Variants in ESCO2 observed in about 807,000 individuals in gnomAD.
ESCO2 encodes the protein establishment of sister chromatid cohesion N-acetyltransferase 2, also known as N-acetyltransferase ESCO2.
A neutral mutation model predicts 61.7 loss-of-function variants in ESCO2; 51 were observed. The ratio of observed to expected loss-of-function variants is 0.83; its 90% CI spans 0.66 to 1.04. ESCO2 has a LOEUF of 1.04. Ranked by LOEUF, ESCO2 falls within the 50% of genes least tolerant of loss-of-function variation. The pLI is 0.00. For synonymous variants in ESCO2, 230 were observed against 238.2 expected (o/e 0.97, Z 0.32); for missense variants, 692 against 686.2 (o/e 1.01, Z -0.09).
chr8:27,806,821 G>A (rs1030309199), downstream of ESCO2, among the ~76,000 whole-genome samples: 1 of 151,998 alleles, frequency 6.6e-6, no homozygotes, highest in African/African-American at 2.4e-5. Flanking sequence ...TTACCATGTT[G>A]GCCAGGCTGG....
chr8:27,775,606 C>T, intron 2 of ESCO2, 39 bp downstream of exon 2: 2 of 1,605,648 alleles, frequency 1.2e-6, no homozygotes, highest in Non-Finnish European at 1.7e-6. Context: ...TTAGAAAAAT[C>T]CACCTTCTTG....
downstream of ESCO2, chr8:27,810,346 A>C (rs761173443): frequency 3.5e-5 from 57 of 1,613,182 alleles, no homozygotes; most frequent in South Asian, 2.5e-4. Context: ...TGTGCAGCAG[A>C]AGGACGATCT....
intron 5 of ESCO2, among the ~76,000 whole-genome samples, chr8:27,787,344 T>G (rs981450187): frequency 2.2e-4 from 34 of 151,786 alleles, no homozygotes; most frequent in Non-Finnish European, 1.9e-4. Context: ...TTTTTTTCCT[T>G]AAGAATTTCA....
At chr8:27,811,111 T>C (rs1319086598), downstream of ESCO2, 6 of 1,613,786 alleles carry the variant, frequency 3.7e-6, no homozygotes, top group Non-Finnish European at 4.2e-6. Flanking sequence ...TCTGTGCCAA[T>C]GTAACAAGCC....
chr8:27,794,879 G>A (rs996150429), intron 9 of ESCO2, among the ~76,000 whole-genome samples: 1 of 152,172 alleles, frequency 6.6e-6, no homozygotes, highest in Non-Finnish European at 1.5e-5. Context: ...TCAGACACCA[G>A]TTGACTCTAA....
downstream of ESCO2, among the ~76,000 whole-genome samples, chr8:27,816,923 CATTGTTGCAT>C (rs1234074268): frequency 6.6e-6 from 1 of 152,050 alleles, no homozygotes; most frequent in East Asian, 1.9e-4. Flanking sequence ...CATTCTCACA[CATTGTTGCAT>C]AGTCTGTTCT....
At chr8:27,811,065 C>T (rs772975178), downstream of ESCO2, 1 of 1,612,836 alleles carries the variant, frequency 6.2e-7, no homozygotes, top group Non-Finnish European at 8.5e-7. Flanking sequence ...AGTAATAACA[C>T]CATTCTCCTC....
rs199687371 is a variant in ESCO2 at position 27,803,570 on chromosome 8, A to G, written c.*132A>G. On this transcript the variant is annotated 3_prime_UTR_variant, in exon 11 of 11. Transcript: ENST00000305188. ...CTCATACACACACACACACACACGC[A>G]CACACACATATCACAGTTTTGTTCC... 1.6e-5 allele frequency: 19 copies of G among 1,209,288 alleles called. No individual in the cohort carries two copies. The highest frequency in any genetic ancestry group is 3.7e-5 in the East Asian group (1 of 27,356). The allele number at this position is 1,209,288 out of a possible 1,614,324, so 74.9% of individuals were successfully genotyped here.
At position 27,803,380 on chromosome 8, in the gene ESCO2, T is replaced by C. The variant is rs745614231; in HGVS notation, c.1748T>C (p.Leu583Ser). The C allele has an allele frequency of 3.7e-6, 6 of 1,614,082 alleles. No homozygotes were observed. In the Admixed American group the frequency reaches 1.0e-4, roughly 27 times the overall value. ...TCTGACCCAACACCAGATGGCAAGTTATTTGCAACCAAGTACTGCAACACC... is the reference window on the plus strand; with the variant it reads ...TCTGACCCAACACCAGATGGCAAGTCATTTGCAACCAAGTACTGCAACACC... ...AFSDPTPDGKLFATKYCNTPN... is the reference protein window; with the variant it reads ...AFSDPTPDGKSFATKYCNTPN... The change falls in exon 11 of 11, where the codon TTA becomes TCA. Residue 583 changes from leucine (L) to serine (S), a missense_variant. Coordinates refer to ENST00000305188, the MANE Select transcript of ESCO2 (RefSeq NM_001017420.3).
chr8:27,813,672 A>T (rs117685744), downstream of ESCO2, among the ~76,000 whole-genome samples: 214 of 146,876 alleles, frequency 1.5e-3, 3 homozygotes, highest in East Asian at 0.033. Context: ...AGCAAATCTC[A>T]AGTGTACAGT....
Position 27,776,613 on chromosome 8 carries a change from TAAAAG to T in ESCO2, c.307_311del (p.Lys103GlufsTer2), listed in dbSNP as rs80359846. The T allele has an allele frequency of 1.9e-6, 3 of 1,613,924 alleles. No individual in the cohort carries two copies. Among genetic ancestry groups the T allele is most frequent in the Admixed American group, 1.7e-5 (1 of 59,992 alleles). ...CTCAATCCACTGGAGAGAAAGCTGATAAAAGAGAGTAGATCTACTTGTCTAAAAAC... is the reference window on the plus strand; with the variant it reads ...CTCAATCCACTGGAGAGAAAGCTGATAGAGTAGATCTACTTGTCTAAAAAC... On this transcript the variant is annotated frameshift_variant, in exon 3 of 11. Transcript: ENST00000305188. LOFTEE classifies it high-confidence loss of function.
intron 8 of ESCO2, 108 bp downstream of exon 8, chr8:27,792,160 C>A: frequency 1.0e-6 from 1 of 997,750 alleles, no homozygotes; most frequent in Non-Finnish European, 1.6e-6. Context: ...TGGGTACCTG[C>A]TTAATGATTA....
intron 5 of ESCO2, among the ~76,000 whole-genome samples, chr8:27,785,310 A>G (rs555360478): frequency 6.6e-6 from 1 of 152,234 alleles, no homozygotes; most frequent in Non-Finnish European, 1.5e-5. Context: ...GTTGCACTAG[A>G]GATTAAGTTT....
chr8:27,810,950 A>G, downstream of ESCO2: 1 of 1,486,130 alleles, frequency 6.7e-7, no homozygotes, highest in Non-Finnish European at 9.4e-7. Context: ...TAGAAATTGT[A>G]TTCATACCTT....
Position 27,803,813 on chromosome 8 carries a change from C to G in ESCO2, c.*375C>G. 9.8e-7 allele frequency: 1 copy of G among 1,017,918 alleles called. No individual in the cohort carries two copies. Among genetic ancestry groups the G allele is most frequent in the Non-Finnish European group, 1.2e-6 (1 of 851,270 alleles). 63.1% of individuals were successfully genotyped at this position (1,017,918 alleles called of 1,614,324 possible). A position where few individuals can be genotyped will look rare whatever the true frequency, so the allele number is the denominator to read the frequency against. ...TCTTTTATAAAGCCCACTCTTAGAC[C>G]AGGATTATCTAATGCCACATCAGAA... On this transcript the variant is annotated 3_prime_UTR_variant, in exon 11 of 11. Transcript: ENST00000305188.
intron 9 of ESCO2, among the ~76,000 whole-genome samples, chr8:27,793,479 GTTT>G (rs67670087): frequency 8.0e-6 from 1 of 125,508 alleles, no homozygotes. Flanking sequence ...CTTTTTCTTT[GTTT>G]TTTTTTTTTT....
At chr8:27,813,598 ATATC>A (rs149760959), downstream of ESCO2, among the ~76,000 whole-genome samples, 23,860 of 151,926 alleles carry the variant, frequency 0.16, 2,367 homozygotes, top group East Asian at 0.36. Context: ...GCTAATTAAC[ATATC>A]TATCACCTCA....
At chr8:27,801,792 C>G (rs1805431366) in intron 10 of ESCO2, among the ~76,000 whole-genome samples, 1 of 151,944 alleles carries the variant, frequency 6.6e-6, no homozygotes, top group Non-Finnish European at 1.5e-5. Context: ...TATTTTGTTA[C>G]ATATATTATG....
intron 8 of ESCO2, 33 bp downstream of exon 8, chr8:27,792,085 T>C (rs1805189654): frequency 6.2e-7 from 1 of 1,606,544 alleles, no homozygotes; most frequent in East Asian, 2.2e-5. Context: ...CTCTTGCCTT[T>C]CCCCACCCCC....
Sources: gnomAD v4.1 joint callset for allele counts (sites outside exome capture counted in the v4.1 genomes callset) on GRCh38, gnomAD v4.1.1 for gene constraint, MANE v1.5 for transcripts, NCBI Gene and HGNC (gene_info 2026-07-23, HGNC 2026-07-21) for gene names.